Variants in RC3H2 observed in about 807,000 individuals in gnomAD.
The protein encoded by RC3H2 is ring finger and CCCH-type domains 2.
In RC3H2, 31 loss-of-function variants were observed where a neutral mutation model predicts 133.3. The observed-to-expected ratio is 0.23, with a 90% CI of 0.17 to 0.31. The LOEUF is 0.31. Among genes scored for constraint, RC3H2 ranks in the 10% least tolerant of loss-of-function variants. RC3H2 has a pLI of 1.00. For missense variants in RC3H2, 1,175 were observed against 1,437.2 expected (o/e 0.82, Z 2.95); for synonymous variants, 517 against 502.2 (o/e 1.03, Z -0.40).
At position 122,845,560 on chromosome 9, in the gene RC3H2, C is replaced by G. The variant is rs566804776; in HGVS notation, c.*4067G>C. The G allele has an allele frequency of 6.6e-6, 1 of 152,012 alleles. No individual in the cohort carries two copies. Among genetic ancestry groups the G allele is most frequent in the African/African-American group, 2.4e-5 (1 of 41,370 alleles). The allele number at this position is 152,012 out of a possible 1,614,324, so 9.4% of individuals were successfully genotyped here. On this transcript the variant is annotated 3_prime_UTR_variant, in exon 21 of 21. Transcript: ENST00000357244. ...TTTTATTAAAAAAAAGAAAAAACTGCCAATTTTAGACTAGAAGGGAATAAC... is the reference window on the plus strand; with the variant it reads ...TTTTATTAAAAAAAAGAAAAAACTGGCAATTTTAGACTAGAAGGGAATAAC...
Position 122,868,925 on chromosome 9 carries a change from A to T in RC3H2, c.1326-3268T>A, listed in dbSNP as rs1167373323. On this transcript the variant is annotated intron_variant, in intron 9 of 20. Coordinates refer to ENST00000357244, the MANE Select transcript of RC3H2 (RefSeq NM_001100588.3). ...TTTTTTTTTTTTTTGTGGGGGGGTTAAGTTCCACTCTTGTCGCCCAGGTTA... is the reference window on the plus strand; with the variant it reads ...TTTTTTTTTTTTTTGTGGGGGGGTTTAGTTCCACTCTTGTCGCCCAGGTTA... Among the ~76,000 whole-genome samples, 31 of 117,104 alleles carry T rather than the reference A, an allele frequency of 2.6e-4. 1 individual carries two copies. Among genetic ancestry groups the T allele is most frequent in the African/African-American group, 6.0e-4 (17 of 28,460 alleles). The allele number at this position is 117,104 out of a possible 152,430, so 76.8% of individuals were successfully genotyped here. A position where few individuals can be genotyped will look rare whatever the true frequency, so the allele number is the denominator to read the frequency against.
intron 4 of RC3H2, among the ~76,000 whole-genome samples, chr9:122,885,089 A>G (rs1483449517): frequency 1.3e-5 from 2 of 152,142 alleles, no homozygotes; most frequent in Non-Finnish European, 2.9e-5. Flanking sequence ...CAAATTGTAT[A>G]TAGTACTGTA....
intron 4 of RC3H2, among the ~76,000 whole-genome samples, chr9:122,889,157 C>T (rs895693762): frequency 6.6e-6 from 1 of 151,982 alleles, no homozygotes; most frequent in East Asian, 1.9e-4. Flanking sequence ...ATATTTTCCC[C>T]AGTTGGTCTT....
intron 4 of RC3H2, among the ~76,000 whole-genome samples, chr9:122,884,095 C>A (rs950631893): frequency 1.3e-5 from 2 of 152,210 alleles, no homozygotes; most frequent in Non-Finnish European, 2.9e-5. Context: ...GAGATCGATA[C>A]CATCCTGGCT....
chr9:122,852,820 G>C (rs1264015619), intron 18 of RC3H2, among the ~76,000 whole-genome samples: 1 of 150,106 alleles, frequency 6.7e-6, no homozygotes, highest in Non-Finnish European at 1.5e-5. Flanking sequence ...GCCTCTGCCC[G>C]GCCGCCCCTA....
chr9:122,857,718 T>C (rs1830298572), intron 13 of RC3H2, among the ~76,000 whole-genome samples: 7 of 152,230 alleles, frequency 4.6e-5, no homozygotes, highest in Admixed American at 3.9e-4. Context: ...TTTGAATTCT[T>C]AGTAAAGGAC....
At chr9:122,854,419 T>C (rs1321809972) in intron 16 of RC3H2, 112 bp downstream of exon 16, 2 of 1,162,886 alleles carry the variant, frequency 1.7e-6, no homozygotes, top group Non-Finnish European at 2.5e-6. Context: ...ATTTGTTATA[T>C]AGCTCAGACA....
intron 18 of RC3H2, among the ~76,000 whole-genome samples, chr9:122,852,504 T>C (rs1284143219): frequency 2.7e-3 from 230 of 86,208 alleles, no homozygotes; most frequent in Middle Eastern, 0.023. Context: ...CCCCTCTGCC[T>C]AGCCAGCCGC....
chr9:122,848,018 C>T lies in RC3H2; in HGVS notation c.*1609G>A, dbSNP rs1001661673. 7 of 152,064 alleles carry T rather than the reference C, an allele frequency of 4.6e-5. No homozygotes were observed. Among genetic ancestry groups the T allele is most frequent in the African/African-American group, 1.4e-4 (6 of 41,420 alleles). The allele number at this position is 152,064 out of a possible 1,614,324, so 9.4% of individuals were successfully genotyped here. On this transcript the variant is annotated 3_prime_UTR_variant, in exon 21 of 21. Transcript: ENST00000357244. Reference sequence around the variant, plus strand: ...CAAGAAATTTCAGGGAAATGTCAACCCTCCCGCCCCTGGAAATGTGCACAA... The same window carrying T: ...CAAGAAATTTCAGGGAAATGTCAACTCTCCCGCCCCTGGAAATGTGCACAA...
At chr9:122,877,867 T>C (rs1831408354) in intron 8 of RC3H2, among the ~76,000 whole-genome samples, 1 of 152,132 alleles carries the variant, frequency 6.6e-6, no homozygotes, top group Admixed American at 6.5e-5. Context: ...AAAGAAAATA[T>C]TTTTTCATCA....
intron 10 of RC3H2, among the ~76,000 whole-genome samples, chr9:122,864,549 G>C (rs1411571754): frequency 6.6e-6 from 1 of 151,874 alleles, no homozygotes; most frequent in Non-Finnish European, 1.5e-5. Flanking sequence ...TAAGTAACTG[G>C]CCTAAGATCA....
Position 122,879,875 on chromosome 9 carries a change from T to G in RC3H2, c.1094-2A>C. 1 of 1,613,726 alleles carries G rather than the reference T, an allele frequency of 6.2e-7. No individual in the cohort carries two copies. The highest frequency in any genetic ancestry group is 8.5e-7 in the Non-Finnish European group (1 of 1,179,700). On this transcript the variant is annotated splice_acceptor_variant, in intron 7 of 20. Transcript: ENST00000357244. LOFTEE classifies it high-confidence loss of function. Reference sequence around the variant, plus strand: ...GCTCCCAAGTTGGTGAAACAGCGTCTAAAATAAGCCACCAAGGGCATGGGG... The same window carrying G: ...GCTCCCAAGTTGGTGAAACAGCGTCGAAAATAAGCCACCAAGGGCATGGGG...
At chr9:122,883,934 A>G (rs983111873) in intron 4 of RC3H2, among the ~76,000 whole-genome samples, 2 of 152,178 alleles carry the variant, frequency 1.3e-5, no homozygotes, top group East Asian at 3.8e-4. Context: ...TTGAAGCTGT[A>G]GTGAGCTGTG....
chr9:122,875,089 T>G, intron 9 of RC3H2: 3 of 1,331,124 alleles, frequency 2.3e-6, no homozygotes, highest in Non-Finnish European at 2.9e-6. Flanking sequence ...TTTCCTGGAG[T>G]CTCCCAAATT....
At position 122,865,420 on chromosome 9, in the gene RC3H2, C is replaced by T; in HGVS notation, c.1563G>A (p.Val521=). Residue 521 remains valine, a synonymous_variant, in exon 10 of 21, where the codon GTG becomes GTA. Transcript: ENST00000357244. ...TAGCGCCAACCTTTCCCACTTTCTTCACGGTCTCCAGAGCTCTTAAGGTAC... is the reference window on the plus strand; with the variant it reads ...TAGCGCCAACCTTTCCCACTTTCTTTACGGTCTCCAGAGCTCTTAAGGTAC... ...TDSTLRALET[V]KKVGKVGANG... The T allele has an allele frequency of 6.2e-7, 1 of 1,614,226 alleles. No individual in the cohort carries two copies. The highest frequency in any genetic ancestry group is 2.2e-5 in the East Asian group (1 of 44,890).
chr9:122,900,070 A>G (rs976305102), intron 1 of RC3H2, among the ~76,000 whole-genome samples: 5 of 152,186 alleles, frequency 3.3e-5, no homozygotes, highest in African/African-American at 1.2e-4. Context: ...GTTTCAAACT[A>G]TACCAGAGCA....
chr9:122,846,198 T>G lies in RC3H2; in HGVS notation c.*3429A>C, dbSNP rs1392578485. The G allele has an allele frequency of 6.6e-6, 1 of 152,210 alleles. No homozygotes were observed. Among genetic ancestry groups the G allele is most frequent in the Non-Finnish European group, 1.5e-5 (1 of 68,020 alleles). The allele number at this position is 152,210 out of a possible 1,614,324, so 9.4% of individuals were successfully genotyped here. On this transcript the variant is annotated 3_prime_UTR_variant, in exon 21 of 21. Transcript: ENST00000357244. ...TGGGATGTGCTTTATATACTTAACCTCAAATTGAAATCTGAAAGTGACTAG... is the reference window on the plus strand; with the variant it reads ...TGGGATGTGCTTTATATACTTAACCGCAAATTGAAATCTGAAAGTGACTAG...
At chr9:122,865,928 T>C (rs965818506) in intron 9 of RC3H2, among the ~76,000 whole-genome samples, 3 of 152,110 alleles carry the variant, frequency 2.0e-5, no homozygotes, top group African/African-American at 7.2e-5. Context: ...TGCCACTTTG[T>C]CCAAGAATGT....
chr9:122,875,393 A>G (rs1831290387), intron 9 of RC3H2: 1 of 1,526,854 alleles, frequency 6.5e-7, no homozygotes, highest in African/African-American at 1.4e-5. Flanking sequence ...CAAACATTTA[A>G]TAAACAGATC....
Sources: allele counts gnomAD v4.1 joint callset (sites outside exome capture counted in the v4.1 genomes callset), GRCh38; gene constraint gnomAD v4.1.1; transcripts MANE v1.5; gene names NCBI Gene and HGNC (gene_info 2026-07-23, HGNC 2026-07-21).